SGCZ: variants seen among roughly 807,000 people sequenced by gnomAD.
SGCZ encodes zeta-sarcoglycan.
A neutral mutation model predicts 41.3 loss-of-function variants in SGCZ; 40 were observed. The ratio of observed to expected loss-of-function variants is 0.97; its 90% CI spans 0.75 to 1.26. The LOEUF is 1.26. Among genes scored for constraint, SGCZ ranks in the 50% most tolerant of loss-of-function variants. The probability of loss-of-function intolerance (pLI) is 0.00; values close to 1 mark genes in which losing one functional copy is unlikely to be tolerated. For missense variants in SGCZ, 552 were observed against 369.8 expected (o/e 1.49, Z -4.04); for synonymous variants, 206 against 137.5 (o/e 1.50, Z -3.49).
At chr8:14,528,163 T>TA (rs1563388097) in intron 2 of SGCZ, among the ~76,000 whole-genome samples, 1 of 151,920 alleles carries the variant, frequency 6.6e-6, no homozygotes, top group African/African-American at 2.4e-5. Context: ...AACAGAAACA[T>TA]AAAAAAATAG....
At chr8:14,450,494 A>T (rs1800560578) in intron 2 of SGCZ, among the ~76,000 whole-genome samples, 1 of 152,198 alleles carries the variant, frequency 6.6e-6, no homozygotes, top group African/African-American at 2.4e-5. Flanking sequence ...GTACAGTCAT[A>T]TGCCTTATCG....
At chr8:14,739,266 A>G (rs1290058523) in intron 1 of SGCZ, among the ~76,000 whole-genome samples, 1 of 152,076 alleles carries the variant, frequency 6.6e-6, no homozygotes, top group African/African-American at 2.4e-5. Context: ...AGACAATTAA[A>G]AGGGGAAAAA....
intron 1 of SGCZ, among the ~76,000 whole-genome samples, chr8:15,220,660 T>C (rs186187472): frequency 6.6e-6 from 1 of 152,292 alleles, no homozygotes; most frequent in African/African-American, 2.4e-5. Flanking sequence ...ATGCCATTAC[T>C]GGATATATAC....
At chr8:14,316,094 G>A (rs973166365) in intron 3 of SGCZ, among the ~76,000 whole-genome samples, 1 of 151,804 alleles carries the variant, frequency 6.6e-6, no homozygotes, top group Non-Finnish European at 1.5e-5. Flanking sequence ...CAATTTCATG[G>A]TGGAATTAAA....
intron 1 of SGCZ, among the ~76,000 whole-genome samples, chr8:14,965,189 T>C (rs923747748): frequency 2.6e-5 from 4 of 152,164 alleles, no homozygotes; most frequent in Admixed American, 6.5e-5. Context: ...AAAAAGCTAG[T>C]TGACATCACA....
chr8:14,140,924 C>T lies in SGCZ; in HGVS notation c.547+23656G>A, dbSNP rs140887540. On this transcript the variant is annotated intron_variant, in intron 5 of 7. Transcript: ENST00000382080. Reference sequence around the variant, plus strand: ...TAATGCTACCTGACTTCAAACTATACTACAAGCCTACAGTAACCAAAGCAG... The same window carrying T: ...TAATGCTACCTGACTTCAAACTATATTACAAGCCTACAGTAACCAAAGCAG... 3.7e-3 allele frequency among the ~76,000 whole-genome samples: 567 copies of T among 152,306 alleles called. 4 individuals carry two copies. Among genetic ancestry groups the T allele is most frequent in the Middle Eastern group, 0.024 (7 of 294 alleles).
intron 1 of SGCZ, among the ~76,000 whole-genome samples, chr8:15,126,930 A>T (rs969872020): frequency 1.3e-5 from 2 of 152,168 alleles, no homozygotes; most frequent in Non-Finnish European, 2.9e-5. Flanking sequence ...CAGAGAGTAG[A>T]CTGTGCTCAT....
chr8:15,173,393 G>A lies in SGCZ; in HGVS notation c.39+64192C>T, dbSNP rs77999100. On this transcript the variant is annotated intron_variant, in intron 1 of 7. Transcript: ENST00000382080. ...TTTCTCATCTATAAAAATGGATGAT[G>A]ATAGCACCATTTATGACTAAATGAG... 9.8e-3 allele frequency among the ~76,000 whole-genome samples: 1,493 copies of A among 152,264 alleles called. 77 individuals carry two copies. The highest frequency in any genetic ancestry group is 0.09 in the East Asian group (466 of 5,168).
intron 2 of SGCZ, among the ~76,000 whole-genome samples, chr8:14,440,985 G>C (rs956464657): frequency 6.6e-6 from 1 of 151,906 alleles, no homozygotes. Flanking sequence ...TGAAAAGGGG[G>C]TTTTGTGTGT....
At chr8:14,570,489 G>A (rs1269950267) in intron 1 of SGCZ, among the ~76,000 whole-genome samples, 2 of 152,116 alleles carry the variant, frequency 1.3e-5, no homozygotes, top group Admixed American at 6.6e-5. Flanking sequence ...AGAAACTTAT[G>A]TAAATATTAA....
intron 1 of SGCZ, among the ~76,000 whole-genome samples, chr8:14,956,393 C>T (rs182619530): frequency 8.3e-4 from 126 of 152,218 alleles, no homozygotes; most frequent in Middle Eastern, 3.4e-3. Flanking sequence ...CTGTTCCCTT[C>T]CCAATAATCT....
intron 1 of SGCZ, among the ~76,000 whole-genome samples, chr8:14,657,597 C>A (rs1807617619): frequency 6.6e-6 from 1 of 152,014 alleles, no homozygotes; most frequent in South Asian, 2.1e-4. Context: ...AATTTGGATT[C>A]TTAACAGCTG....
rs553711418 is a variant in SGCZ, at chr8:14,748,370, G to A, written c.40-193444C>T. 5.9e-5 allele frequency among the ~76,000 whole-genome samples: 9 copies of A among 152,266 alleles called. 1 individual carries two copies. The highest frequency in any genetic ancestry group is 1.3e-4 in the Admixed American group (2 of 15,296). ...ACCTAGTGAGGCAATATGGTGGCAT[G>A]AATGGGCAAGCAAACAAATAGTTTC... On this transcript the variant is annotated intron_variant, in intron 1 of 7. Coordinates refer to ENST00000382080, the MANE Select transcript of SGCZ (RefSeq NM_139167.4).
intron 4 of SGCZ, among the ~76,000 whole-genome samples, chr8:14,235,113 C>T (rs894347651): frequency 4.6e-5 from 7 of 152,180 alleles, no homozygotes; most frequent in African/African-American, 1.7e-4. Context: ...TCATTATCCC[C>T]ATTTTAGAGA....
At chr8:14,541,891 GC>G (rs757445442) in intron 2 of SGCZ, among the ~76,000 whole-genome samples, 5 of 152,112 alleles carry the variant, frequency 3.3e-5, no homozygotes, top group African/African-American at 4.8e-5. Flanking sequence ...GTGATGATGA[GC>G]TTTTTTCCAT....
chr8:14,512,370 A>G (rs1433933359), intron 2 of SGCZ, among the ~76,000 whole-genome samples: 1 of 152,182 alleles, frequency 6.6e-6, no homozygotes, highest in Non-Finnish European at 1.5e-5. Flanking sequence ...GCCTATCAGT[A>G]TGCCTTAGTT....
At chr8:14,451,638 T>G (rs531147477) in intron 2 of SGCZ, among the ~76,000 whole-genome samples, 14 of 152,288 alleles carry the variant, frequency 9.2e-5, no homozygotes, top group African/African-American at 3.4e-4. Context: ...CTCTTAAAAC[T>G]CTATGCTAAG....
chr8:15,168,909 G>T (rs1483364970), intron 1 of SGCZ, among the ~76,000 whole-genome samples: 3 of 152,154 alleles, frequency 2.0e-5, no homozygotes, highest in African/African-American at 7.2e-5. Flanking sequence ...CAGCATGCTG[G>T]CAAAAGGCTG....
Position 15,033,156 on chromosome 8 carries a change from C to T in SGCZ, c.39+204429G>A, listed in dbSNP as rs79615585. Among the ~76,000 whole-genome samples the T allele has an allele frequency of 3.7e-3, 559 of 152,004 alleles. 3 individuals are homozygous for T. Among genetic ancestry groups the T allele is most frequent in the African/African-American group, 0.013 (541 of 41,434 alleles). On this transcript the variant is annotated intron_variant, in intron 1 of 7. Coordinates refer to ENST00000382080, the MANE Select transcript of SGCZ (RefSeq NM_139167.4). ...AGGGTCCAGGCCCATCCCACTAGAC[C>T]CCAAGTCTGAATGAATCATGTGAAC...
Sources: gnomAD v4.1 joint callset for allele counts (sites outside exome capture counted in the v4.1 genomes callset) on GRCh38, gnomAD v4.1.1 for gene constraint, MANE v1.5 for transcripts, NCBI Gene and HGNC (gene_info 2026-07-23, HGNC 2026-07-21) for gene names.